The following GLYATL2 variants were observed in gnomAD, a reference collection of about 807,000 sequenced individuals.
GLYATL2 encodes glycine N-acyltransferase-like protein 2.
A neutral mutation model predicts 21.4 loss-of-function variants in GLYATL2; 25 were observed. The ratio of observed to expected loss-of-function variants is 1.17; its 90% CI spans 0.85 to 1.63. The LOEUF is 1.63. GLYATL2 is among the 40% of genes most tolerant of loss of function. The pLI is 0.00. For missense variants in GLYATL2, 361 were observed against 343.3 expected (o/e 1.05, Z -0.41); for synonymous variants, 114 against 118.2 (o/e 0.96, Z 0.23).
At chr11:58,837,975 A>T (rs1345055901) in intron 3 of GLYATL2, among the ~76,000 whole-genome samples, 4 of 152,220 alleles carry the variant, frequency 2.6e-5, no homozygotes, top group Non-Finnish European at 5.9e-5. Flanking sequence ...ACTTTCAGCC[A>T]TAGAAGTCTA....
chr11:58,905,610 G>A (rs564379582), upstream of GLYATL2: 13 of 456,302 alleles, frequency 2.8e-5, no homozygotes, highest in South Asian at 1.9e-4. Flanking sequence ...TGGGAGACAG[G>A]GGACGCCGAT....
rs149004651 is a variant in GLYATL2 at position 58,874,720 on chromosome 11, A to G, written n.60+29436T>C. On this transcript the variant is annotated intron_variant and non_coding_transcript_variant, in intron 1 of 4. Transcript: ENST00000533636. The stretch of plus-strand genomic sequence containing the variant: ...TTCTTTACTTCCAACTATGTGGTCA[A>G]TTTTGTAGTAGTTGTAGTGTGGTGC... 7.2e-3 allele frequency among the ~76,000 whole-genome samples: 1,098 copies of G among 152,266 alleles called. 15 individuals carry two copies. Among genetic ancestry groups the G allele is most frequent in the African/African-American group, 0.025 (1,049 of 41,538 alleles).
At position 58,887,886 on chromosome 11, in the gene GLYATL2, C is replaced by T. The variant is rs531318737; in HGVS notation, n.60+16270G>A. 3.3e-5 allele frequency among the ~76,000 whole-genome samples: 5 copies of T among 152,180 alleles called. 1 individual carries two copies. Among genetic ancestry groups the T allele is most frequent in the African/African-American group, 1.2e-4 (5 of 41,534 alleles). On this transcript the variant is annotated intron_variant and non_coding_transcript_variant, in intron 1 of 4. Transcript: ENST00000533636. ...GGGATATCTCCAAGTCAGAGTTTACCTTATCCTAAGTAGGCACTGCCAGAT... is the reference window on the plus strand; with the variant it reads ...GGGATATCTCCAAGTCAGAGTTTACTTTATCCTAAGTAGGCACTGCCAGAT...
At chr11:58,857,573 T>G (rs78447394) in intron 1 of GLYATL2, among the ~76,000 whole-genome samples, 1,757 of 152,246 alleles carry the variant, frequency 0.012, 15 homozygotes, top group South Asian at 0.045. Context: ...CAGAGTGAAC[T>G]TCACCTCCTT....
At chr11:58,860,044 G>T (rs1328058163) in intron 1 of GLYATL2, among the ~76,000 whole-genome samples, 1 of 152,114 alleles carries the variant, frequency 6.6e-6, no homozygotes, top group Admixed American at 6.5e-5. Context: ...TTGAAGTTAG[G>T]TAGTGTGATA....
At chr11:58,878,949 T>G (rs1401043973) in intron 1 of GLYATL2, among the ~76,000 whole-genome samples, 1 of 152,156 alleles carries the variant, frequency 6.6e-6, no homozygotes, top group Non-Finnish European at 1.5e-5. Context: ...CAGTACAGGG[T>G]GTCAACTGTT....
upstream of GLYATL2, among the ~76,000 whole-genome samples, chr11:58,845,279 G>A (rs184950359): frequency 1.2e-4 from 19 of 152,244 alleles, no homozygotes; most frequent in Admixed American, 3.9e-4. Flanking sequence ...TGAAGACATT[G>A]AGATTAAAAC....
intron 1 of GLYATL2, among the ~76,000 whole-genome samples, chr11:58,896,721 C>T (rs1484306295): frequency 8.2e-6 from 1 of 122,158 alleles, no homozygotes; most frequent in Non-Finnish European, 1.8e-5. Flanking sequence ...CGTTTTCAAA[C>T]TTAAACGTGT....
In GLYATL2 at chr11:58,837,308, G is replaced by A; in HGVS notation, c.276C>T (p.Ser92=). The change falls in exon 4 of 6, where the codon TCC becomes TCT. Residue 92 remains serine, a synonymous_variant. Transcript: ENST00000287275. ...PDKLEEVLSY[S]NVISWEQTLQ... is the part of the protein sequence containing the mutation. ...AAGTTTGCTCCCAGCTGATTACATT[G>A]GAGTATGACAGGACTTCCTCTAATT... 2 of 1,613,928 alleles carry A rather than the reference G, an allele frequency of 1.2e-6. No homozygotes were observed. Among genetic ancestry groups the A allele is most frequent in the Non-Finnish European group, 1.7e-6 (2 of 1,179,818 alleles).
chr11:58,906,059 C>A (rs1590762405), upstream of GLYATL2, among the ~76,000 whole-genome samples: 1 of 152,190 alleles, frequency 6.6e-6, no homozygotes, highest in Non-Finnish European at 1.5e-5. Flanking sequence ...ACCTGCGAAT[C>A]GGGAGCAGCG....
chr11:58,871,821 T>A (rs1452611062), intron 1 of GLYATL2, among the ~76,000 whole-genome samples: 1 of 152,146 alleles, frequency 6.6e-6, no homozygotes, highest in African/African-American at 2.4e-5. Flanking sequence ...GCTGGGTCAA[T>A]TGGTATTTCT....
At chr11:58,880,439 C>T (rs1023644674) in intron 1 of GLYATL2, among the ~76,000 whole-genome samples, 1 of 152,152 alleles carries the variant, frequency 6.6e-6, no homozygotes, top group Non-Finnish European at 1.5e-5. Context: ...TCTCATGTAT[C>T]AGCCAAGGCT....
At chr11:58,901,645 A>C (rs1854742030) in intron 1 of GLYATL2, among the ~76,000 whole-genome samples, 1 of 152,022 alleles carries the variant, frequency 6.6e-6, no homozygotes, top group African/African-American at 2.4e-5. Flanking sequence ...GAAAACGTGA[A>C]GCTCTAAGGT....
chr11:58,867,264 C>A (rs1439839917), intron 1 of GLYATL2, among the ~76,000 whole-genome samples: 1 of 148,872 alleles, frequency 6.7e-6, no homozygotes, highest in Non-Finnish European at 1.5e-5. Flanking sequence ...CTTACAACAA[C>A]AAAAATACCA....
At chr11:58,893,279 A>C (rs1054899481) in intron 1 of GLYATL2, 1 of 247,690 alleles carries the variant, frequency 4.0e-6, no homozygotes, top group African/African-American at 2.3e-5. Context: ...AGGAGAGGCA[A>C]CATAACATAG....
chr11:58,903,223 C>A (rs956286574), intron 1 of GLYATL2, among the ~76,000 whole-genome samples: 1 of 152,116 alleles, frequency 6.6e-6, no homozygotes, highest in Admixed American at 6.5e-5. Context: ...CTTGGAGTAC[C>A]ATTACAAAGG....
chr11:58,847,384 A>G (rs1482513618), upstream of GLYATL2, among the ~76,000 whole-genome samples: 1 of 152,196 alleles, frequency 6.6e-6, no homozygotes, highest in Non-Finnish European at 1.5e-5. Context: ...TAGAGCAGCA[A>G]GTGGGCTCTT....
intron 1 of GLYATL2, among the ~76,000 whole-genome samples, chr11:58,891,634 G>A (rs1220028157): frequency 1.3e-5 from 2 of 152,144 alleles, no homozygotes; most frequent in African/African-American, 4.8e-5. Context: ...CAGATTCTAG[G>A]TGTCTGGTGA....
In GLYATL2 at chr11:58,876,552, T is replaced by G. The variant is rs921105226; in HGVS notation, n.60+27604A>C. Among the ~76,000 whole-genome samples, 3 of 152,220 alleles carry G rather than the reference T, an allele frequency of 2.0e-5. No homozygotes were observed. The South Asian group carries it at 6.2e-4, about 32-fold the overall frequency. On this transcript the variant is annotated intron_variant and non_coding_transcript_variant, in intron 1 of 4. Transcript: ENST00000533636. ...GGTCTGTTGGAGTTTACTGGAGGTC[T>G]ACTCCAGACCCTGTTTGCCTAGGTA...
Sources: gnomAD v4.1 joint callset for allele counts (sites outside exome capture counted in the v4.1 genomes callset) on GRCh38, gnomAD v4.1.1 for gene constraint, MANE v1.5 for transcripts, NCBI Gene and HGNC (gene_info 2026-07-23, HGNC 2026-07-21) for gene names.